The following LNPK variants were observed in gnomAD, a reference collection of about 807,000 sequenced individuals.
LNPK encodes the protein lunapark, ER junction formation factor, also known as endoplasmic reticulum junction formation protein lunapark.
A neutral mutation model predicts 55.2 loss-of-function variants in LNPK; 29 were observed. The observed-to-expected ratio is 0.53, with a 90% CI of 0.39 to 0.72. LNPK has a LOEUF of 0.72. LNPK is among the 30% of genes least tolerant of loss of function. The probability of loss-of-function intolerance (pLI) is 0.00; values close to 1 mark genes in which losing one functional copy is unlikely to be tolerated. For synonymous variants in LNPK, 162 were observed against 168.2 expected, an observed-to-expected ratio of 0.96 and a Z score of 0.29; for missense variants, 467 against 494.8, an observed-to-expected ratio of 0.94 and a Z score of 0.53.
chr2:175,976,201 G>C (rs556011796), intron 5 of LNPK, among the ~76,000 whole-genome samples: 10 of 152,168 alleles, frequency 6.6e-5, no homozygotes, highest in Non-Finnish European at 1.0e-4. Context: ...GAAGCTATTA[G>C]ACAATTTTAA....
At chr2:175,997,877 T>C (rs776435536) in intron 1 of LNPK, among the ~76,000 whole-genome samples, 1 of 151,646 alleles carries the variant, frequency 6.6e-6, no homozygotes, top group East Asian at 1.9e-4. Flanking sequence ...TAGCTGGGAC[T>C]ATAGGCATGG....
chr2:175,996,708 G>A (rs1434519601), intron 1 of LNPK, among the ~76,000 whole-genome samples: 1 of 152,106 alleles, frequency 6.6e-6, no homozygotes, highest in Non-Finnish European at 1.5e-5. Context: ...ATTTCTCCCT[G>A]ACATTGTATA....
chr2:175,973,607 A>AT (rs1180027444), intron 5 of LNPK, among the ~76,000 whole-genome samples: 1 of 152,186 alleles, frequency 6.6e-6, no homozygotes, highest in Non-Finnish European at 1.5e-5. Flanking sequence ...GTTGTAGTAA[A>AT]TTGCTGTTTT....
Position 175,995,584 on chromosome 2 carries a change from TC to T in LNPK, c.-1del. ...CTCCATCGAGAAAATAATCCACCCA[TC>T]TTTTATTTGTAGAAACTGGGCACAA... On this transcript the variant is annotated 5_prime_UTR_variant, in exon 2 of 13. Coordinates refer to ENST00000272748, the MANE Select transcript of LNPK (RefSeq NM_030650.3). The T allele has an allele frequency of 6.2e-7, 1 of 1,609,958 alleles. No individual in the cohort carries two copies. Among genetic ancestry groups the T allele is most frequent in the Non-Finnish European group, 8.5e-7 (1 of 1,176,732 alleles).
chr2:175,953,750 C>A (rs908133091), intron 8 of LNPK, among the ~76,000 whole-genome samples: 2 of 148,164 alleles, frequency 1.3e-5, no homozygotes, highest in Non-Finnish European at 3.0e-5. Context: ...TCTCTCCAAT[C>A]CAACATAACC....
chr2:175,960,773 C>T (rs139282844), intron 8 of LNPK, among the ~76,000 whole-genome samples: 2,644 of 152,164 alleles, frequency 0.017, 71 homozygotes, highest in African/African-American at 0.06. Flanking sequence ...ACTCCAGGAG[C>T]TGGTTTTTGA....
intron 5 of LNPK, among the ~76,000 whole-genome samples, chr2:175,972,977 CG>C (rs1686730951): frequency 6.6e-6 from 1 of 152,152 alleles, no homozygotes; most frequent in Non-Finnish European, 1.5e-5. Flanking sequence ...AATTTCACCT[CG>C]GATAATGCAT....
At chr2:175,978,699 T>A (rs928324824) in intron 5 of LNPK, among the ~76,000 whole-genome samples, 3 of 152,222 alleles carry the variant, frequency 2.0e-5, no homozygotes, top group African/African-American at 7.2e-5. Flanking sequence ...TCTGGTCAGG[T>A]GAGCATGTTG....
At chr2:175,978,766 T>C (rs1454799785) in intron 5 of LNPK, among the ~76,000 whole-genome samples, 2 of 152,226 alleles carry the variant, frequency 1.3e-5, no homozygotes, top group Non-Finnish European at 2.9e-5. Context: ...TGTAAATGTA[T>C]TTAATCAGAA....
At chr2:175,950,030 C>T (rs143717371) in intron 8 of LNPK, among the ~76,000 whole-genome samples, 523 of 152,072 alleles carry the variant, frequency 3.4e-3, no homozygotes, top group Admixed American at 4.1e-3. Flanking sequence ...CTGCCTTAAA[C>T]GTAAGATACA....
intron 5 of LNPK, among the ~76,000 whole-genome samples, chr2:175,979,114 G>T (rs904678082): frequency 6.6e-6 from 1 of 151,582 alleles, no homozygotes; most frequent in African/African-American, 2.4e-5. Flanking sequence ...TCTTTTCCAG[G>T]TATGAAAATG....
intron 5 of LNPK, among the ~76,000 whole-genome samples, chr2:175,978,487 T>TTTGG (rs941124221): frequency 3.5e-4 from 54 of 152,274 alleles, no homozygotes; most frequent in African/African-American, 1.3e-3. Flanking sequence ...TTTTGATTTA[T>TTTGG]TTGGTTGGTT....
At chr2:175,985,976 T>C (rs1167849654) in intron 4 of LNPK, among the ~76,000 whole-genome samples, 2 of 152,228 alleles carry the variant, frequency 1.3e-5, no homozygotes, top group Non-Finnish European at 2.9e-5. Flanking sequence ...CATTTTTTTC[T>C]GCAACTTACT....
chr2:175,961,358 T>C (rs977541276), intron 8 of LNPK, among the ~76,000 whole-genome samples: 10 of 152,216 alleles, frequency 6.6e-5, no homozygotes, highest in Non-Finnish European at 1.0e-4. Context: ...TGCATGATGA[T>C]CAAGTTGGCT....
intron 8 of LNPK, among the ~76,000 whole-genome samples, chr2:175,961,874 T>C (rs1417811494): frequency 6.6e-6 from 1 of 152,180 alleles, no homozygotes; most frequent in South Asian, 2.1e-4. Flanking sequence ...ACAAAATCAA[T>C]GTGCAAAAAT....
chr2:175,989,713 A>G (rs2105713189), intron 4 of LNPK, among the ~76,000 whole-genome samples: 1 of 152,304 alleles, frequency 6.6e-6, no homozygotes, highest in South Asian at 2.1e-4. Context: ...TGGCATTTAT[A>G]TTATGATTTA....
At chr2:175,994,345 A>T in intron 2 of LNPK, 1 of 983,910 alleles carries the variant, frequency 1.0e-6, no homozygotes, top group Non-Finnish European at 1.2e-6. Context: ...ATAAGGTCAT[A>T]ACAGGGTCAA....
chr2:175,993,747 C>T (rs1028284152), intron 2 of LNPK, among the ~76,000 whole-genome samples: 2 of 151,664 alleles, frequency 1.3e-5, no homozygotes, highest in South Asian at 2.1e-4. Flanking sequence ...GAGCCGAGAT[C>T]GCACCACTGC....
At chr2:175,951,402 T>C (rs1685393662) in intron 8 of LNPK, among the ~76,000 whole-genome samples, 5 of 151,656 alleles carry the variant, frequency 3.3e-5, no homozygotes, top group Non-Finnish European at 7.4e-5. Context: ...CCAAAGTCCA[T>C]TGTGTCATTC....
Sources: gnomAD v4.1 joint callset for allele counts (sites outside exome capture counted in the v4.1 genomes callset) on GRCh38, gnomAD v4.1.1 for gene constraint, MANE v1.5 for transcripts, NCBI Gene and HGNC (gene_info 2026-07-23, HGNC 2026-07-21) for gene names.